SMARCC2: variants seen among roughly 807,000 people sequenced by gnomAD.
The protein encoded by SMARCC2 is SWI/SNF related BAF chromatin remodeling complex subunit C2.
SMARCC2 carries 15 observed loss-of-function variants against 151.3 expected under a neutral mutation model. The observed-to-expected ratio is 0.10, with a 90% confidence interval of 0.07 to 0.15. The LOEUF is 0.15. SMARCC2 is among the 10% of genes least tolerant of loss of function. The probability of loss-of-function intolerance (pLI) is 1.00; values close to 1 mark genes in which losing one functional copy is unlikely to be tolerated. For missense variants in SMARCC2, 1,031 were observed against 1,599.7 expected (o/e 0.64, Z 6.06); for synonymous variants, 590 against 609.5 (o/e 0.97, Z 0.47).
rs765486503 is a variant in SMARCC2, at chr12:56,169,762, T to C, written c.2548+14A>G. ...TCTGTCCTGCACCCCCACCTACCCT[T>C]GTGGGAGGCTCACCTATTGGGTCTC... On this transcript the variant is annotated intron_variant, in intron 24 of 28. Coordinates refer to ENST00000550164, the MANE Select transcript of SMARCC2 (RefSeq NM_001330288.2). The C allele has an allele frequency of 1.9e-6, 3 of 1,614,106 alleles. No homozygotes were observed. The highest frequency in any genetic ancestry group is 1.7e-5 in the Admixed American group (1 of 60,016).
At chr12:56,172,201 C>T (rs2135686384) in intron 20 of SMARCC2, 2 of 551,480 alleles carry the variant, frequency 3.6e-6, no homozygotes, top group East Asian at 3.1e-5. Context: ...CCCACTTAGC[C>T]TCCTGAGTAG....
intron 8 of SMARCC2, 51 bp downstream of exon 8, chr12:56,181,953 G>T: frequency 6.3e-7 from 1 of 1,583,044 alleles, no homozygotes; most frequent in Non-Finnish European, 8.7e-7. Flanking sequence ...CCAAAGGGTA[G>T]ACTGTTCCTG....
chr12:56,175,269 C>T (rs897607721), intron 15 of SMARCC2, among the ~76,000 whole-genome samples: 1 of 152,146 alleles, frequency 6.6e-6, no homozygotes, highest in Non-Finnish European at 1.5e-5. Context: ...CCTCAGCCTC[C>T]CAAAGTGCTG....
intron 15 of SMARCC2, among the ~76,000 whole-genome samples, chr12:56,176,767 A>T (rs1316153821): frequency 6.6e-6 from 1 of 151,802 alleles, no homozygotes; most frequent in Non-Finnish European, 1.5e-5. Context: ...CAGCCTCCAG[A>T]CTAGCTGGGA....
At chr12:56,182,975 A>G (rs1430087224) in intron 7 of SMARCC2, among the ~76,000 whole-genome samples, 1 of 150,748 alleles carries the variant, frequency 6.6e-6, no homozygotes, top group Non-Finnish European at 1.5e-5. Flanking sequence ...CTAGGACTAC[A>G]GGTGCATGCC....
chr12:56,180,991 G>A lies in SMARCC2; in HGVS notation c.1067C>T (p.Thr356Ile), dbSNP rs759158077. 1 of 1,613,352 alleles carries A rather than the reference G, an allele frequency of 6.2e-7. No individual in the cohort carries two copies. Among genetic ancestry groups the A allele is most frequent in the Non-Finnish European group, 8.5e-7 (1 of 1,179,548 alleles). The change falls in exon 11 of 29, where the codon ACA becomes ATA. Residue 356 changes from threonine (T) to isoleucine (I), a missense_variant. Coordinates refer to ENST00000550164, the MANE Select transcript of SMARCC2 (RefSeq NM_001330288.2). Reference sequence around the variant, plus strand: ...CTGGCCTGTACCTGTTTTGGGAAGTGTCACCTCTTCTACATTGGGGACTGG... The same window carrying A: ...CTGGCCTGTACCTGTTTTGGGAAGTATCACCTCTTCTACATTGGGGACTGG... ...PSPVPNVEEV[T>I]LPKTVNTKKD...
At chr12:56,189,083 T>C (rs1478436589) in intron 1 of SMARCC2, among the ~76,000 whole-genome samples, 1 of 137,946 alleles carries the variant, frequency 7.2e-6, no homozygotes, top group Non-Finnish European at 1.6e-5. Context: ...GGTGGGCTAA[T>C]GGCACCGGGG....
rs1874389020 is a variant in SMARCC2, at chr12:56,173,708, G to A, written c.1638C>T (p.Pro546=). The A allele has an allele frequency of 1.9e-6, 3 of 1,606,532 alleles. No individual in the cohort carries two copies. In the African/African-American group the frequency reaches 4.0e-5, roughly 22 times the overall value. ...DTPSGLVPLQ[P]KTPQGRQVDA... is the part of the protein sequence containing the mutation. ...CACCTCACCCTACCTGAGGTGTCTT[G>A]GGCTGCAGAGGCACCAGCCCTGATG... is the stretch of plus-strand genomic sequence containing the variant. Residue 546 remains proline, a synonymous_variant, in exon 17 of 29, where the codon CCC becomes CCT. Coordinates refer to ENST00000550164, the MANE Select transcript of SMARCC2 (RefSeq NM_001330288.2).
intron 11 of SMARCC2, among the ~76,000 whole-genome samples, chr12:56,179,725 C>T (rs892578128): frequency 1.3e-5 from 2 of 152,094 alleles, no homozygotes; most frequent in Non-Finnish European, 2.9e-5. Context: ...CTCGCTCTGT[C>T]GCCCAGGCTG....
At position 56,185,019 on chromosome 12, in the gene SMARCC2, A is replaced by G. The variant is rs553344363; in HGVS notation, c.399+11T>C. The G allele has an allele frequency of 2.5e-6, 4 of 1,599,740 alleles. No homozygotes were observed. The East Asian group carries it at 8.9e-5, about 36-fold the overall frequency. The stretch of plus-strand genomic sequence containing the variant: ...GAGGGAAGGGAGATAAATAGGGTAT[A>G]TGCCTATTACCTGCACCAAGGACTT... On this transcript the variant is annotated intron_variant, in intron 4 of 28. Transcript: ENST00000550164.
At position 56,180,351 on chromosome 12, in the gene SMARCC2, C is replaced by T. The variant is rs1967054; in HGVS notation, c.1081+626G>A. Among the ~76,000 whole-genome samples, 143 of 151,378 alleles carry T rather than the reference C, an allele frequency of 9.4e-4. 1 individual carries two copies. Among genetic ancestry groups the T allele is most frequent in the East Asian group, 9.1e-3 (47 of 5,150 alleles). On this transcript the variant is annotated intron_variant, in intron 11 of 28. Transcript: ENST00000550164. ...GTCTCGATCTCCTGACCTCGTGATC[C>T]GCCCACCTCGGCCTGCCAAAGTGCT...
At chr12:56,167,951 A>AACACACACACACACAC (rs56809897) in intron 26 of SMARCC2, 109 bp downstream of exon 26, 4 of 689,492 alleles carry the variant, frequency 5.8e-6, no homozygotes, top group East Asian at 3.7e-5. Flanking sequence ...CTTTCACTGA[A>AACACACACACACACAC]ACACACACAC....
rs750028676 is a variant in SMARCC2 at position 56,184,239 on chromosome 12, T to G, written c.498A>C (p.Thr166=). The part of the protein sequence containing the change: ...LKDIIKRHQG[T]VTEDKNNASH... ...AGGCATTGTTCTTATCCTCAGTGACTGTTCCCTGGATGGTAAAAGGAGAAG... is the reference window on the plus strand; with the variant it reads ...AGGCATTGTTCTTATCCTCAGTGACGGTTCCCTGGATGGTAAAAGGAGAAG... Residue 166 remains threonine (T), a synonymous_variant, in exon 6 of 29, where the codon ACA becomes ACC. Transcript: ENST00000550164. 1 of 1,612,166 alleles carries G rather than the reference T, an allele frequency of 6.2e-7. No homozygotes were observed.
Position 56,181,006 on chromosome 12 carries a change from T to G in SMARCC2, c.1052A>C (p.Asn351Thr). ...KDMDEPSPVP[N>T]VEEVTLPKTV... ...TTTGGGAAGTGTCACCTCTTCTACA[T>G]TGGGGACTGGTGAGGGCTCGTCCAT... The change falls in exon 11 of 29, where the codon AAT becomes ACT. Residue 351 changes from asparagine (N) to threonine (T), a missense_variant. Physicochemically the swap from Asn to Thr is moderately conservative, Grantham distance 65. Coordinates refer to ENST00000550164, the MANE Select transcript of SMARCC2 (RefSeq NM_001330288.2). 1 of 1,613,780 alleles carries G rather than the reference T, an allele frequency of 6.2e-7. No individual in the cohort carries two copies. Among genetic ancestry groups the G allele is most frequent in the African/African-American group, 1.3e-5 (1 of 74,988 alleles).
rs752425629 is a variant in SMARCC2 at position 56,179,632 on chromosome 12, C to T, written c.1082-576G>A. On this transcript the variant is annotated intron_variant, in intron 11 of 28. Coordinates refer to ENST00000550164, the MANE Select transcript of SMARCC2 (RefSeq NM_001330288.2). ...TCCAAAGTGGGGTTCTAACATAGGA[C>T]GCAAAAGATGATCCACTGCAACTCA... Among the ~76,000 whole-genome samples, 38 of 152,234 alleles carry T rather than the reference C, an allele frequency of 2.5e-4. No individual in the cohort carries two copies. The South Asian group carries it at 4.4e-3, about 17-fold the overall frequency.
chr12:56,167,038 G>A (rs1872912657), intron 26 of SMARCC2, among the ~76,000 whole-genome samples: 1 of 150,702 alleles, frequency 6.6e-6, no homozygotes, highest in Non-Finnish European at 1.5e-5. Context: ...ACTCCAGCCT[G>A]GGCGAAAGAG....
rs767725767 is a variant in SMARCC2, at chr12:56,164,660, G to C, written c.3304C>G (p.Pro1102Ala). The C allele has an allele frequency of 6.2e-7, 1 of 1,612,444 alleles. No individual in the cohort carries two copies. Among genetic ancestry groups the C allele is most frequent in the African/African-American group, 1.3e-5 (1 of 75,038 alleles). Residue 1102 changes from proline to alanine, a missense_variant, in exon 28 of 29, where the codon CCA becomes GCA. Physicochemically the swap from Pro to Ala is conservative, Grantham distance 27 (BLOSUM62 -1). Transcript: ENST00000550164. ...AAAGGAGCATTACCCGCCACGCCTG[G>C]GTGCCCGCTGCCTGGCACTGCCCCT... ...MPGAVPGSGH[P>A]GVAGNAPLGL...
intron 13 of SMARCC2, 61 bp downstream of exon 13, chr12:56,178,749 A>G: frequency 6.4e-7 from 1 of 1,562,428 alleles, no homozygotes; most frequent in Non-Finnish European, 8.8e-7. Context: ...GGGCAGAATG[A>G]ACTTTATAAT....
intron 25 of SMARCC2, 107 bp downstream of exon 25, chr12:56,169,422 T>C: frequency 7.6e-7 from 1 of 1,322,172 alleles, no homozygotes; most frequent in East Asian, 2.3e-5. Flanking sequence ...AAAAAATAAA[T>C]AGGTCAGCAT....
Sources: allele counts gnomAD v4.1 joint callset (sites outside exome capture counted in the v4.1 genomes callset), GRCh38; gene constraint gnomAD v4.1.1; transcripts MANE v1.5; gene names NCBI Gene and HGNC (gene_info 2026-07-23, HGNC 2026-07-21).